The following PTPRD variants were observed in gnomAD, a reference collection of about 807,000 sequenced individuals.
PTPRD encodes receptor-type tyrosine-protein phosphatase delta.
Under a neutral mutation model 214.5 loss-of-function variants are expected in PTPRD, and 34 were observed. The ratio of observed to expected loss-of-function variants is 0.16; its 90% CI spans 0.12 to 0.21. PTPRD has a LOEUF of 0.21. Ranked by LOEUF, PTPRD falls within the 10% of genes least tolerant of loss-of-function variation. The pLI is 1.00. For synonymous variants in PTPRD, 1,128 were observed against 845.7 expected (o/e 1.33, Z -5.79); for missense variants, 2,545 against 2,398.7 (o/e 1.06, Z -1.27).
At chr9:9,101,634 G>A (rs766259745) in intron 10 of PTPRD, among the ~76,000 whole-genome samples, 18 of 152,174 alleles carry the variant, frequency 1.2e-4, no homozygotes, top group South Asian at 8.3e-4. Flanking sequence ...ATTCTCAAGC[G>A]TTAAAAACCA....
intron 30 of PTPRD, among the ~76,000 whole-genome samples, chr9:8,483,272 TTTTAAC>T (rs758558993): frequency 6.6e-6 from 1 of 152,234 alleles, no homozygotes; most frequent in Admixed American, 6.5e-5. Flanking sequence ...CCAATGTCAT[TTTTAAC>T]TTTAACTTTT....
chr9:9,898,431 A>C (rs990173330), intron 5 of PTPRD, among the ~76,000 whole-genome samples: 1 of 152,152 alleles, frequency 6.6e-6, no homozygotes, highest in East Asian at 1.9e-4. Context: ...TTTCCACTGA[A>C]ATGAGTTTTT....
chr9:8,323,442 G>C (rs1033804253), intron 44 of PTPRD, among the ~76,000 whole-genome samples: 1 of 152,178 alleles, frequency 6.6e-6, no homozygotes, highest in East Asian at 1.9e-4. Context: ...AAATTTACTG[G>C]AAGTAATTCA....
chr9:9,084,058 T>C (rs532672477), intron 10 of PTPRD, among the ~76,000 whole-genome samples: 8 of 152,278 alleles, frequency 5.3e-5, no homozygotes, highest in East Asian at 1.9e-4. Context: ...TCTGGGTATA[T>C]ACCCAAAGGA....
intron 10 of PTPRD, among the ~76,000 whole-genome samples, chr9:9,082,182 A>G (rs559330529): frequency 1.2e-4 from 18 of 151,626 alleles, no homozygotes; most frequent in African/African-American, 4.3e-4. Context: ...AGGCCACCCC[A>G]ATGAACATCG....
At chr9:10,296,876 A>G (rs2095690256) in intron 3 of PTPRD, among the ~76,000 whole-genome samples, 1 of 151,884 alleles carries the variant, frequency 6.6e-6, no homozygotes. Flanking sequence ...GGTTTTGTTG[A>G]CCACTTCAGG....
At chr9:8,927,259 C>G (rs2098906371) in intron 11 of PTPRD, among the ~76,000 whole-genome samples, 1 of 151,970 alleles carries the variant, frequency 6.6e-6, no homozygotes, top group Non-Finnish European at 1.5e-5. Flanking sequence ...TTCTGGGATA[C>G]ATGTGCAGAA....
intron 2 of PTPRD, among the ~76,000 whole-genome samples, chr9:10,401,757 G>C (rs1294925133): frequency 1.3e-5 from 2 of 149,956 alleles, no homozygotes; most frequent in African/African-American, 2.4e-5. Flanking sequence ...GATTACAATG[G>C]GATACTCAGG....
intron 7 of PTPRD, among the ~76,000 whole-genome samples, chr9:9,717,117 C>T (rs2097849212): frequency 1.3e-5 from 2 of 151,922 alleles, no homozygotes; most frequent in South Asian, 2.1e-4. Context: ...AATCCTTTCC[C>T]CATTGCTTGT....
chr9:10,274,604 C>G (rs1226003162), intron 3 of PTPRD, among the ~76,000 whole-genome samples: 3 of 152,138 alleles, frequency 2.0e-5, no homozygotes, highest in African/African-American at 7.2e-5. Context: ...GCATTCACCA[C>G]CTTTCACAAA....
At chr9:8,391,176 G>C (rs1049052565) in intron 36 of PTPRD, among the ~76,000 whole-genome samples, 4 of 151,928 alleles carry the variant, frequency 2.6e-5, no homozygotes, top group Non-Finnish European at 5.9e-5. Context: ...ATGTTCCCAA[G>C]CTCAAATTGT....
chr9:8,933,339 GGTTTT>G (rs369381689), intron 11 of PTPRD, among the ~76,000 whole-genome samples: 16,319 of 68,696 alleles, frequency 0.24, 1,400 homozygotes, highest in South Asian at 0.36. Context: ...ACAACCTTGA[GGTTTT>G]TTTTTTTTTT....
At position 8,977,066 on chromosome 9, in the gene PTPRD, C is replaced by T. The variant is rs114930116; in HGVS notation, c.-104+41631G>A. 4.7e-3 allele frequency among the ~76,000 whole-genome samples: 721 copies of T among 152,178 alleles called. 4 individuals are homozygous for T. Among genetic ancestry groups the T allele is most frequent in the African/African-American group, 0.017 (697 of 41,540 alleles). ...GCTTCTCCTGAGATATCTTCTGTTACGCATCCTCTTAACCATCCATCAATG... is the reference window on the plus strand; with the variant it reads ...GCTTCTCCTGAGATATCTTCTGTTATGCATCCTCTTAACCATCCATCAATG... On this transcript the variant is annotated intron_variant, in intron 11 of 45. Coordinates refer to ENST00000381196, the MANE Select transcript of PTPRD (RefSeq NM_002839.4).
intron 8 of PTPRD, among the ~76,000 whole-genome samples, chr9:9,509,240 C>G (rs992411959): frequency 6.6e-6 from 1 of 151,194 alleles, no homozygotes; most frequent in Non-Finnish European, 1.5e-5. Flanking sequence ...GGGAAAAAAA[C>G]CCATGTAATT....
intron 41 of PTPRD, 149 bp from the exon 42 acceptor site, chr9:8,340,618 C>A (rs1851577863): frequency 2.6e-6 from 2 of 771,088 alleles, no homozygotes; most frequent in Admixed American, 6.6e-5. Flanking sequence ...ATTAAATAAT[C>A]AAATAAGAGC....
intron 7 of PTPRD, among the ~76,000 whole-genome samples, chr9:9,628,830 A>G (rs1348412490): frequency 6.6e-6 from 1 of 151,950 alleles, no homozygotes; most frequent in Non-Finnish European, 1.5e-5. Flanking sequence ...TTTGATGTAC[A>G]TCAAATATAT....
intron 7 of PTPRD, among the ~76,000 whole-genome samples, chr9:9,707,598 G>A (rs959897872): frequency 2.0e-5 from 3 of 152,014 alleles, no homozygotes; most frequent in African/African-American, 7.2e-5. Context: ...TAATGCAATA[G>A]CCTACATTTT....
chr9:9,380,717 A>G (rs1360942767), intron 9 of PTPRD, among the ~76,000 whole-genome samples: 2 of 152,124 alleles, frequency 1.3e-5, no homozygotes, highest in Non-Finnish European at 2.9e-5. Flanking sequence ...AGCGTTGTCA[A>G]CAACACTATG....
At chr9:9,899,201 G>C (rs2075790297) in intron 5 of PTPRD, among the ~76,000 whole-genome samples, 1 of 151,966 alleles carries the variant, frequency 6.6e-6, no homozygotes, top group South Asian at 2.1e-4. Context: ...AGAATCTGTA[G>C]GTAGAGAACC....
Sources: gnomAD v4.1 joint callset for allele counts (sites outside exome capture counted in the v4.1 genomes callset) on GRCh38, gnomAD v4.1.1 for gene constraint, MANE v1.5 for transcripts, NCBI Gene and HGNC (gene_info 2026-07-23, HGNC 2026-07-21) for gene names.